The following KCNN2 variants were observed in gnomAD, a reference collection of about 807,000 sequenced individuals.
The protein encoded by KCNN2 is small conductance calcium-activated potassium channel protein 2.
KCNN2 carries 24 observed loss-of-function variants against 55.5 expected under a neutral mutation model. The ratio of observed to expected loss-of-function variants is 0.43; its 90% CI spans 0.31 to 0.61. The LOEUF is 0.61. KCNN2 is among the 20% of genes least tolerant of loss of function. The pLI, the probability that KCNN2 is intolerant of heterozygous loss-of-function variation, is 0.08. For synonymous variants in KCNN2, 431 were observed against 336.1 expected (o/e 1.28, Z -3.09); for missense variants, 754 against 853.6 (o/e 0.88, Z 1.45).
intron 2 of KCNN2, among the ~76,000 whole-genome samples, chr5:114,259,913 G>A (rs971767305): frequency 6.6e-6 from 1 of 152,132 alleles, no homozygotes; most frequent in African/African-American, 2.4e-5. Flanking sequence ...TCTTTCTGAG[G>A]AGAATTGGCA....
intron 1 of KCNN2, among the ~76,000 whole-genome samples, chr5:114,156,120 C>T (rs147544638): frequency 2.0e-5 from 3 of 152,230 alleles, no homozygotes; most frequent in East Asian, 3.9e-4. Flanking sequence ...GTTATCCTAG[C>T]ACCATTTATT....
In KCNN2 at chr5:114,496,351, T is replaced by A; in HGVS notation, c.*169T>A. 1 of 667,826 alleles carries A rather than the reference T, an allele frequency of 1.5e-6. No individual in the cohort carries two copies. Among genetic ancestry groups the A allele is most frequent in the Non-Finnish European group, 2.5e-6 (1 of 406,142 alleles). 41.4% of individuals were successfully genotyped at this position (667,826 alleles called of 1,614,324 possible). On this transcript the variant is annotated 3_prime_UTR_variant, in exon 8 of 8. Coordinates refer to ENST00000673685, the MANE Select transcript of KCNN2 (RefSeq NM_021614.4). ...GGCCAAAATGAGTGAAAACTCTTTT[T>A]TTTTCTTTCAGATGCACAGGGAATG...
rs1181520176 is a variant in KCNN2, at chr5:114,166,548, A to G, written c.-270-54932A>G. Among the ~76,000 whole-genome samples the G allele has an allele frequency of 3.9e-5, 6 of 152,118 alleles. No individual in the cohort carries two copies. In the South Asian group the frequency reaches 1.0e-3, roughly 26 times the overall value. On this transcript the variant is annotated intron_variant, in intron 1 of 10. Coordinates refer to the KCNN2 transcript ENST00000512097. Reference sequence around the variant, plus strand: ...TTCTTTTATTAGAGTGCTGAGGTCTATGTTACCTTGTTACTTAAGAAGTGG... The same window carrying G: ...TTCTTTTATTAGAGTGCTGAGGTCTGTGTTACCTTGTTACTTAAGAAGTGG...
intron 1 of KCNN2, among the ~76,000 whole-genome samples, chr5:114,163,529 G>A (rs533124284): frequency 9.9e-5 from 15 of 152,118 alleles, no homozygotes; most frequent in East Asian, 1.9e-4. Flanking sequence ...AGCCTTTTCT[G>A]CATCTATTGA....
chr5:114,493,511 TG>T, intron 7 of KCNN2, 39 bp downstream of exon 7: 1 of 1,347,654 alleles, frequency 7.4e-7, no homozygotes, highest in Non-Finnish European at 1.1e-6. Context: ...TTGCATCTGT[TG>T]AAATCAACCA....
At chr5:114,124,247 C>A (rs973510897) in intron 1 of KCNN2, among the ~76,000 whole-genome samples, 2 of 152,234 alleles carry the variant, frequency 1.3e-5, no homozygotes, top group African/African-American at 2.4e-5. Context: ...AGGAAAAGAA[C>A]CTTTAGGGGA....
intron 3 of KCNN2, among the ~76,000 whole-genome samples, chr5:114,410,383 C>T (rs552091458): frequency 7.2e-5 from 11 of 152,116 alleles, no homozygotes; most frequent in African/African-American, 2.7e-4. Context: ...TGGGTCAGTG[C>T]TGTGTTACAC....
At chr5:114,312,424 CACACACACACATATAT>C (rs1278758004) in intron 2 of KCNN2, among the ~76,000 whole-genome samples, 341 of 59,530 alleles carry the variant, frequency 5.7e-3, no homozygotes, top group Non-Finnish European at 8.9e-3. Context: ...CACACACACA[CACACACACACATATAT>C]ATATATATAT....
intron 2 of KCNN2, among the ~76,000 whole-genome samples, chr5:114,313,878 G>T (rs1210277251): frequency 6.6e-6 from 1 of 152,232 alleles, no homozygotes. Flanking sequence ...CTCACTGGTT[G>T]CTTCATGAAA....
At chr5:114,190,236 A>G (rs962103657) in intron 1 of KCNN2, among the ~76,000 whole-genome samples, 2 of 152,110 alleles carry the variant, frequency 1.3e-5, no homozygotes, top group African/African-American at 2.4e-5. Context: ...TTCTGCTTCT[A>G]GGTAGATACG....
At chr5:114,130,195 TA>T (rs1292567181) in intron 1 of KCNN2, among the ~76,000 whole-genome samples, 3 of 152,240 alleles carry the variant, frequency 2.0e-5, no homozygotes, top group Non-Finnish European at 2.9e-5. Flanking sequence ...ACAAGCTATT[TA>T]TTTTTTTCTT....
intron 1 of KCNN2, among the ~76,000 whole-genome samples, chr5:114,082,300 G>A (rs1561467614): frequency 1.3e-5 from 2 of 151,632 alleles, no homozygotes; most frequent in Admixed American, 1.3e-4. Flanking sequence ...CTCCAGCCTG[G>A]GTGATAGAGT....
chr5:114,079,850 A>T (rs771243054), intron 1 of KCNN2, among the ~76,000 whole-genome samples: 10,530 of 136,650 alleles, frequency 0.077, 398 homozygotes, highest in Non-Finnish European at 0.093. Flanking sequence ...TGTGTGAGAG[A>T]GAGAGAGAGA....
chr5:114,062,092 T>C (rs1289728703), intron 1 of KCNN2, among the ~76,000 whole-genome samples: 2 of 150,886 alleles, frequency 1.3e-5, no homozygotes, highest in African/African-American at 4.9e-5. Context: ...ATTTAAGATA[T>C]ATGGGTTCTT....
intron 3 of KCNN2, among the ~76,000 whole-genome samples, chr5:114,461,566 T>C (rs1048374103): frequency 1.3e-5 from 2 of 152,194 alleles, no homozygotes; most frequent in Non-Finnish European, 2.9e-5. Context: ...TTCTCTATTC[T>C]TTGGAAGAAG....
At chr5:114,169,704 G>C (rs1752992223) in intron 1 of KCNN2, among the ~76,000 whole-genome samples, 2 of 152,064 alleles carry the variant, frequency 1.3e-5, no homozygotes. Context: ...TTGGTGAGAA[G>C]TGAGGTAGAA....
At chr5:114,124,270 C>G (rs1248563613) in intron 1 of KCNN2, among the ~76,000 whole-genome samples, 5 of 152,134 alleles carry the variant, frequency 3.3e-5, no homozygotes, top group African/African-American at 1.2e-4. Flanking sequence ...CTTCATAAAA[C>G]AAGTTCTTTC....
chr5:114,090,066 G>A (rs1751103733), intron 1 of KCNN2, among the ~76,000 whole-genome samples: 1 of 152,112 alleles, frequency 6.6e-6, no homozygotes, highest in Admixed American at 6.5e-5. Context: ...AATTAAATAA[G>A]AAAATATGAA....
At chr5:114,274,643 T>C (rs1011470224) in intron 2 of KCNN2, among the ~76,000 whole-genome samples, 15 of 152,212 alleles carry the variant, frequency 9.9e-5, no homozygotes, top group African/African-American at 3.6e-4. Flanking sequence ...GTTTGTCTGT[T>C]ATTGGTATAT....
Sources: gnomAD v4.1 joint callset for allele counts (sites outside exome capture counted in the v4.1 genomes callset) on GRCh38, gnomAD v4.1.1 for gene constraint, MANE v1.5 for transcripts, NCBI Gene and HGNC (gene_info 2026-07-23, HGNC 2026-07-21) for gene names.